NOL7: variants seen among roughly 807,000 people sequenced by gnomAD.
The protein encoded by NOL7 is U3 small nucleolar RNA-associated protein NOL7.
In NOL7, 36 loss-of-function variants were observed where a neutral mutation model predicts 38.4. That is an observed-to-expected ratio of 0.94 (90% CI 0.72 to 1.24). NOL7 has a LOEUF of 1.24. Among genes scored for constraint, NOL7 ranks in the 50% most tolerant of loss-of-function variants. The probability of loss-of-function intolerance (pLI) is 0.00; values close to 1 mark genes in which losing one functional copy is unlikely to be tolerated. For synonymous variants in NOL7, 142 were observed against 126.5 expected, an observed-to-expected ratio of 1.12 and a Z score of -0.82; for missense variants, 350 against 315.1, an observed-to-expected ratio of 1.11 and a Z score of -0.84.
chr6:13,615,635 CG>C lies in NOL7; in HGVS notation c.266+12del. 6.2e-7 allele frequency: 1 copy of C among 1,607,770 alleles called. No homozygotes were observed. The highest frequency in any genetic ancestry group is 8.5e-7 in the Non-Finnish European group (1 of 1,176,572). On this transcript the variant is annotated intron_variant, in intron 1 of 7. Coordinates refer to ENST00000451315, the MANE Select transcript of NOL7 (RefSeq NM_016167.5). Reference sequence around the variant, plus strand: ...GGAGACCGTGCGCAGGTTCGGAGCCCGCTGCCCGGCGGGGAGAACCGCCCTT... The same window carrying C: ...GGAGACCGTGCGCAGGTTCGGAGCCCCTGCCCGGCGGGGAGAACCGCCCTT...
intron 8 of NOL7, among the ~76,000 whole-genome samples, chr6:13,629,753 G>A (rs1462040188): frequency 1.3e-5 from 2 of 152,114 alleles, no homozygotes; most frequent in Admixed American, 6.5e-5. Context: ...ACTGGAAGAC[G>A]TAGGCAGATA....
At chr6:13,631,043 C>A (rs1463025230) in intron 8 of NOL7, among the ~76,000 whole-genome samples, 1 of 152,054 alleles carries the variant, frequency 6.6e-6, no homozygotes, top group Non-Finnish European at 1.5e-5. Flanking sequence ...CTCTTGAACT[C>A]ATGATCCGCC....
At chr6:13,622,452 T>A, downstream of NOL7, 1 of 1,600,314 alleles carries the variant, frequency 6.2e-7, no homozygotes, top group Non-Finnish European at 8.5e-7. Context: ...CCTGTCCCAT[T>A]GCTAGGGCAA....
chr6:13,615,914 C>G, intron 2 of NOL7, 142 bp downstream of exon 2: 1 of 901,816 alleles, frequency 1.1e-6, no homozygotes, highest in Non-Finnish European at 1.7e-6. Flanking sequence ...GAAAGATGCT[C>G]GGGCCGGGCG....
At chr6:13,629,921 C>T (rs143466873) in intron 8 of NOL7, among the ~76,000 whole-genome samples, 1,647 of 128,340 alleles carry the variant, frequency 0.013, 13 homozygotes, top group African/African-American at 0.031. Flanking sequence ...CTCTCTCTCT[C>T]GTGTGTGTGT....
chr6:13,618,611 C>T (rs1042363087), intron 5 of NOL7, among the ~76,000 whole-genome samples: 4 of 152,046 alleles, frequency 2.6e-5, no homozygotes, highest in African/African-American at 7.2e-5. Context: ...AATTTTGGGC[C>T]GGGCATGTTT....
chr6:13,625,314 G>T (rs964380432), downstream of NOL7, among the ~76,000 whole-genome samples: 15 of 152,130 alleles, frequency 9.9e-5, no homozygotes, highest in African/African-American at 3.6e-4. Flanking sequence ...CTCTGGTAGG[G>T]TAGTATTTTG....
At chr6:13,626,002 C>T (rs1764592024), downstream of NOL7, among the ~76,000 whole-genome samples, 1 of 152,172 alleles carries the variant, frequency 6.6e-6, no homozygotes, top group African/African-American at 2.4e-5. Context: ...TTCCTCCCAT[C>T]CCTAAACACA....
Position 13,620,223 on chromosome 6 carries a change from C to G in NOL7, c.516C>G (p.Tyr172Ter), listed in dbSNP as rs1170653180. 6.2e-7 allele frequency: 1 copy of G among 1,612,832 alleles called. No individual in the cohort carries two copies. Among genetic ancestry groups the G allele is most frequent in the Non-Finnish European group, 8.5e-7 (1 of 1,179,644 alleles). The part of the protein sequence containing the change: ...KVQSVSQNKS[Y>*]LAVRLKDQDL... ...TGATCAACAGCCAGAATAAAAGCTA[C>G]TTGGCCGTAAGGCTAAAAGACCAAG... The change falls in exon 6 of 8, where the codon TAC (tyrosine) becomes TAG (stop). Residue 172 changes from tyrosine to a stop codon, truncating the protein, a stop_gained. Coordinates refer to ENST00000451315, the MANE Select transcript of NOL7 (RefSeq NM_016167.5). LOFTEE classifies it high-confidence loss of function.
At chr6:13,624,016 T>C (rs1035003944), downstream of NOL7, among the ~76,000 whole-genome samples, 2 of 152,206 alleles carry the variant, frequency 1.3e-5, no homozygotes, top group African/African-American at 4.8e-5. Flanking sequence ...ACATTTATAG[T>C]AAACCATAAT....
At chr6:13,615,932 A>T (rs1378139759) in intron 2 of NOL7, among the ~76,000 whole-genome samples, 160 bp downstream of exon 2, 2 of 152,062 alleles carry the variant, frequency 1.3e-5, no homozygotes, top group Non-Finnish European at 2.9e-5. Context: ...GCGCGGCAGT[A>T]CTTTAGTTGG....
In NOL7 at chr6:13,617,804, A is replaced by G. The variant is rs1311347314; in HGVS notation, c.418+3A>G. On this transcript the variant is annotated splice_donor_region_variant and intron_variant, in intron 4 of 7. Coordinates refer to ENST00000451315, the MANE Select transcript of NOL7 (RefSeq NM_016167.5). ...ATCGCCAGGAAAGGTGAAAGAAGGTATGACTATTCTAATTTAACTAACTTC... is the reference window on the plus strand; with the variant it reads ...ATCGCCAGGAAAGGTGAAAGAAGGTGTGACTATTCTAATTTAACTAACTTC... 1.9e-6 allele frequency: 3 copies of G among 1,613,194 alleles called. No individual in the cohort carries two copies. Among genetic ancestry groups the G allele is most frequent in the African/African-American group, 2.7e-5 (2 of 74,934 alleles).
At chr6:13,623,297 T>G (rs1218277114), downstream of NOL7, among the ~76,000 whole-genome samples, 1 of 152,180 alleles carries the variant, frequency 6.6e-6, no homozygotes, top group Admixed American at 6.6e-5. Flanking sequence ...AATCAGTTCT[T>G]TATAGGCACA....
intron 8 of NOL7, among the ~76,000 whole-genome samples, chr6:13,629,874 A>ATC (rs370810603): frequency 3.6e-5 from 5 of 137,620 alleles, no homozygotes; most frequent in Admixed American, 3.6e-4. Flanking sequence ...AAATCTCTCA[A>ATC]TCTCTCTCTC....
downstream of NOL7, among the ~76,000 whole-genome samples, chr6:13,622,947 G>C (rs1172417131): frequency 6.6e-6 from 1 of 152,178 alleles, no homozygotes; most frequent in African/African-American, 2.4e-5. Context: ...AGGCTGCCTA[G>C]CCATCTCCAA....
intron 8 of NOL7, among the ~76,000 whole-genome samples, chr6:13,627,970 A>T (rs912873909): frequency 1.3e-5 from 2 of 152,194 alleles, no homozygotes; most frequent in Non-Finnish European, 2.9e-5. Flanking sequence ...CCTGGAACTT[A>T]AAGGAAAAAA....
At chr6:13,623,806 G>A (rs931902216), downstream of NOL7, among the ~76,000 whole-genome samples, 2 of 152,090 alleles carry the variant, frequency 1.3e-5, no homozygotes, top group African/African-American at 4.8e-5. Flanking sequence ...ATATTAATAA[G>A]ATTAAGCACT....
At chr6:13,630,450 A>G (rs1764746531) in intron 8 of NOL7, among the ~76,000 whole-genome samples, 3 of 152,102 alleles carry the variant, frequency 2.0e-5, no homozygotes, top group Admixed American at 1.3e-4. Flanking sequence ...ATCCTGCTCA[A>G]TTAGCATAAA....
intron 4 of NOL7, 128 bp from the exon 5 acceptor site, chr6:13,617,930 C>G (rs1440959112): frequency 1.9e-6 from 2 of 1,026,348 alleles, no homozygotes; most frequent in Non-Finnish European, 3.0e-6. Context: ...GGGCCTATTC[C>G]CTGTATTTCA....
Sources: gnomAD v4.1 joint callset for allele counts (sites outside exome capture counted in the v4.1 genomes callset) on GRCh38, gnomAD v4.1.1 for gene constraint, MANE v1.5 for transcripts, NCBI Gene and HGNC (gene_info 2026-07-23, HGNC 2026-07-21) for gene names.